The following SERPINE2 variants were observed in gnomAD, a reference collection of about 807,000 sequenced individuals.
The protein encoded by SERPINE2 is glia-derived nexin.
A neutral mutation model predicts 36.3 loss-of-function variants in SERPINE2; 14 were observed. That is an observed-to-expected ratio of 0.39 (90% confidence interval 0.25 to 0.60). The LOEUF is 0.60. Ranked by LOEUF, SERPINE2 falls within the 20% of genes least tolerant of loss-of-function variation. The pLI is 0.57. For missense variants in SERPINE2, 418 were observed against 499.6 expected, an observed-to-expected ratio of 0.84 and a Z score of 1.56; for synonymous variants, 192 against 191.8, an observed-to-expected ratio of 1.00 and a Z score of -0.01.
At chr2:224,022,233 G>GA (rs1252269056) in intron 1 of SERPINE2, among the ~76,000 whole-genome samples, 1 of 150,336 alleles carries the variant, frequency 6.7e-6, no homozygotes, top group Non-Finnish European at 1.5e-5. Context: ...TCATGAGGCT[G>GA]AGGTGGGAGA....
At chr2:224,002,658 A>ATTTTTTT (rs11418943) in intron 1 of SERPINE2, among the ~76,000 whole-genome samples, 1 of 116,530 alleles carries the variant, frequency 8.6e-6, no homozygotes, top group Non-Finnish European at 1.7e-5. Flanking sequence ...TCGTCTGGCA[A>ATTTTTTT]TTTTTTTTTT....
rs201070482 is a variant in SERPINE2, at chr2:223,992,017, C to T, written c.488-17G>A. 37 of 1,611,932 alleles carry T rather than the reference C, an allele frequency of 2.3e-5. No individual in the cohort carries two copies. The highest frequency in any genetic ancestry group is 2.9e-5 in the Non-Finnish European group (34 of 1,178,788). ...CAATCATATCTGTGAAGCCAAAGAA[C>T]AAACAAGGGAAAAATAACCTCAGGA... On this transcript the variant is annotated splice_polypyrimidine_tract_variant and intron_variant, in intron 3 of 8. Transcript: ENST00000409304.
intron 5 of SERPINE2, among the ~76,000 whole-genome samples, chr2:223,983,734 ATATGTGTGTGTGTGTG>A (rs1690315861): frequency 1.3e-5 from 1 of 77,260 alleles, no homozygotes; most frequent in African/African-American, 6.9e-5. Flanking sequence ...ATATGTGTGT[ATATGTGTGTGTGTGTG>A]TGTGTGTGTG....
intron 1 of SERPINE2, among the ~76,000 whole-genome samples, chr2:224,018,720 A>G (rs1377563031): frequency 1.3e-5 from 2 of 152,222 alleles, no homozygotes; most frequent in Admixed American, 6.5e-5. Flanking sequence ...CAGGTTCTAT[A>G]TCTTTCTAAG....
intron 1 of SERPINE2, among the ~76,000 whole-genome samples, chr2:224,029,913 T>G (rs552801923): frequency 6.6e-6 from 1 of 152,286 alleles, no homozygotes; most frequent in South Asian, 2.1e-4. Context: ...TTCAGGCTGT[T>G]TTTGAATTCC....
At chr2:223,992,406 T>C (rs1690712030) in intron 3 of SERPINE2, among the ~76,000 whole-genome samples, 1 of 152,184 alleles carries the variant, frequency 6.6e-6, no homozygotes, top group Non-Finnish European at 1.5e-5. Flanking sequence ...TTCTGGTCAG[T>C]ACAAGATAAA....
intron 2 of SERPINE2, among the ~76,000 whole-genome samples, chr2:224,000,745 T>C (rs1424613955): frequency 6.6e-6 from 1 of 152,144 alleles, no homozygotes; most frequent in Non-Finnish European, 1.5e-5. Flanking sequence ...GTCCATGTGT[T>C]CTCATTGTTC....
chr2:223,982,884 T>C (rs1162755229), intron 5 of SERPINE2, 103 bp from the exon 6 acceptor site: 8 of 737,626 alleles, frequency 1.1e-5, no homozygotes, highest in African/African-American at 9.0e-5. Context: ...AGTTAATATC[T>C]GAATACCGAT....
chr2:224,001,279 T>C (rs1023852925), intron 2 of SERPINE2, among the ~76,000 whole-genome samples: 21 of 152,272 alleles, frequency 1.4e-4, no homozygotes, highest in African/African-American at 5.1e-4. Flanking sequence ...TCCCAGCTCC[T>C]CTCACAGGCT....
rs1435885734 is a variant in SERPINE2, at chr2:223,979,728, T to TCTTCGGTTTATCCTGGATAGAC, written c.1072+561_1072+582dup. 7.2e-5 allele frequency: 11 copies of TCTTCGGTTTATCCTGGATAGAC among 152,390 alleles called. 1 individual carries two copies. The South Asian group carries it at 2.3e-3, about 32-fold the overall frequency. 9.4% of individuals were successfully genotyped at this position (152,390 alleles called of 1,614,324 possible). On this transcript the variant is annotated intron_variant, in intron 7 of 8. Transcript: ENST00000409304. ...CGCAATTCAACAGATGCTGGCGAATTCTTCGGTTTATCCTGGATAGACCTG... is the reference window on the plus strand; with the variant it reads ...CGCAATTCAACAGATGCTGGCGAATTCTTCGGTTTATCCTGGATAGACCTTCGGTTTATCCTGGATAGACCTG...
intron 6 of SERPINE2, chr2:223,980,657 A>T (rs1233091055): frequency 5.6e-6 from 2 of 355,094 alleles, no homozygotes; most frequent in Non-Finnish European, 1.0e-5. Flanking sequence ...TATCAATTCA[A>T]TTCTGATCAC....
At chr2:223,997,450 C>T (rs1190921961) in intron 3 of SERPINE2, among the ~76,000 whole-genome samples, 1 of 152,154 alleles carries the variant, frequency 6.6e-6, no homozygotes, top group Non-Finnish European at 1.5e-5. Context: ...GAACTCCTGA[C>T]CTCAGGTGAT....
Position 223,991,799 on chromosome 2 carries a change from T to C in SERPINE2, c.685+4A>G. The C allele has an allele frequency of 6.2e-7, 1 of 1,613,652 alleles. No homozygotes were observed. ...AGAACAGGCTTCGCTGAGCATGAAC[T>C]CACCACACCGGAACACGGAGAGCTG... On this transcript the variant is annotated splice_donor_region_variant and intron_variant, in intron 4 of 8. Coordinates refer to ENST00000409304, the MANE Select transcript of SERPINE2 (RefSeq NM_001136528.2).
In SERPINE2 at chr2:223,998,280, C is replaced by T; in HGVS notation, c.322G>A (p.Val108Met). 1 of 1,614,210 alleles carries T rather than the reference C, an allele frequency of 6.2e-7. No homozygotes were observed. The highest frequency in any genetic ancestry group is 8.5e-7 in the Non-Finnish European group (1 of 1,180,026). ...ACAAACACGGCGTTAGCCACTGTCA[C>T]AATGTCTTTATTCTTCTTGGAGACG... Reference protein sequence around the residue: ...AIVSKKNKDIVTVANAVFVKN... With the variant: ...AIVSKKNKDIMTVANAVFVKN... Residue 108 changes from valine to methionine, a missense_variant, in exon 3 of 9, where the codon GTG (valine) becomes ATG (methionine). Transcript: ENST00000409304.
chr2:223,984,649 T>C (rs1690354470), intron 5 of SERPINE2, 103 bp downstream of exon 5: 1 of 1,076,156 alleles, frequency 9.3e-7, no homozygotes, highest in Admixed American at 2.1e-5. Context: ...CAGAACAGGC[T>C]TCATGATGTG....
At chr2:223,992,327 C>T (rs2076924) in intron 3 of SERPINE2, among the ~76,000 whole-genome samples, 94,297 of 149,156 alleles carry the variant, frequency 0.63, 29,715 homozygotes, top group Admixed American at 0.72. Context: ...AAATAAGCTA[C>T]ATTTGATAAT....
chr2:224,028,274 C>T (rs1692249805), intron 1 of SERPINE2, among the ~76,000 whole-genome samples: 1 of 152,212 alleles, frequency 6.6e-6, no homozygotes, highest in South Asian at 2.1e-4. Flanking sequence ...TGCATGTTAA[C>T]TGGGGACACT....
chr2:224,020,271 T>C (rs1408446231), intron 1 of SERPINE2, among the ~76,000 whole-genome samples: 2 of 152,126 alleles, frequency 1.3e-5, no homozygotes, highest in African/African-American at 4.8e-5. Context: ...ACGTCTGAAG[T>C]GAAATGGTAC....
At chr2:224,008,654 T>A (rs957027155) in intron 1 of SERPINE2, among the ~76,000 whole-genome samples, 3 of 152,244 alleles carry the variant, frequency 2.0e-5, no homozygotes, top group Admixed American at 6.5e-5. Context: ...GCTCATTTTA[T>A]ACATCTTCTG....
Sources: allele counts gnomAD v4.1 joint callset (sites outside exome capture counted in the v4.1 genomes callset), GRCh38; gene constraint gnomAD v4.1.1; transcripts MANE v1.5; gene names NCBI Gene and HGNC (gene_info 2026-07-23, HGNC 2026-07-21).